The following PP2D1 variants were observed in gnomAD, a reference collection of about 807,000 sequenced individuals.
PP2D1 encodes protein phosphatase 2C-like domain-containing protein 1.
Under a neutral mutation model 30.2 loss-of-function variants are expected in PP2D1, and 25 were observed. The ratio of observed to expected loss-of-function variants is 0.83; its 90% CI spans 0.60 to 1.16. The LOEUF (loss-of-function observed/expected upper bound fraction) is 1.16. PP2D1 is among the 50% of genes most tolerant of loss of function. PP2D1 has a pLI of 0.00. For synonymous variants in PP2D1, 260 were observed against 258.9 expected (o/e 1.00, Z -0.04); for missense variants, 760 against 742.4 (o/e 1.02, Z -0.28).
chr3:20,000,457 T>C (rs1468064719), intron 2 of PP2D1, among the ~76,000 whole-genome samples: 2 of 152,176 alleles, frequency 1.3e-5, no homozygotes, highest in African/African-American at 4.8e-5. Flanking sequence ...TTTTGGCAAG[T>C]TCCTAAACTC....
chr3:20,009,132 C>G (rs996660862), intron 1 of PP2D1, among the ~76,000 whole-genome samples: 12 of 152,064 alleles, frequency 7.9e-5, no homozygotes, highest in African/African-American at 2.7e-4. Context: ...TTGTTTATAT[C>G]ATCACTTAGT....
At chr3:19,986,244 TCTA>T (rs1372611734) in intron 2 of PP2D1, 62 bp from the exon 3 acceptor site, 4 of 1,200,684 alleles carry the variant, frequency 3.3e-6, no homozygotes, top group South Asian at 1.7e-5. Flanking sequence ...TGTATCAAAA[TCTA>T]CTGCTAACTT....
chr3:19,982,252 G>A (rs1204707895), downstream of PP2D1, among the ~76,000 whole-genome samples: 1 of 152,038 alleles, frequency 6.6e-6, no homozygotes, highest in East Asian at 1.9e-4. Context: ...ATGAAAAGAA[G>A]TATGGCTGCA....
chr3:19,988,239 T>C (rs1014202313), intron 2 of PP2D1, among the ~76,000 whole-genome samples: 2 of 152,052 alleles, frequency 1.3e-5, no homozygotes, highest in Non-Finnish European at 2.9e-5. Context: ...CAAAAGCAAA[T>C]AGGAGAAATA....
downstream of PP2D1, among the ~76,000 whole-genome samples, chr3:19,982,846 T>C (rs530979845): frequency 2.6e-5 from 4 of 152,132 alleles, no homozygotes; most frequent in African/African-American, 4.8e-5. Context: ...GTAGATATGA[T>C]CTATCACAAT....
At chr3:20,010,903 A>C (rs1312484149) in intron 1 of PP2D1, among the ~76,000 whole-genome samples, 3 of 152,154 alleles carry the variant, frequency 2.0e-5, no homozygotes, top group Non-Finnish European at 2.9e-5. Context: ...ATGAGGATGC[A>C]CCCTGCCCTT....
intron 1 of PP2D1, among the ~76,000 whole-genome samples, chr3:20,009,796 T>C (rs922053908): frequency 2.0e-5 from 3 of 152,212 alleles, no homozygotes; most frequent in African/African-American, 7.2e-5. Flanking sequence ...TTGAAATGTT[T>C]TGCCACTTTA....
intron 2 of PP2D1, among the ~76,000 whole-genome samples, chr3:19,995,184 T>C (rs887032033): frequency 4.6e-5 from 7 of 152,128 alleles, no homozygotes; most frequent in African/African-American, 1.7e-4. Flanking sequence ...AATTTACTCC[T>C]AACACCCACA....
At chr3:19,987,535 A>G (rs1422398622) in intron 2 of PP2D1, among the ~76,000 whole-genome samples, 1 of 152,168 alleles carries the variant, frequency 6.6e-6, no homozygotes, top group Admixed American at 6.5e-5. Context: ...TAAATATGAT[A>G]TTGTACCTGG....
intron 1 of PP2D1, among the ~76,000 whole-genome samples, chr3:20,008,966 AATAC>A (rs1697355233): frequency 6.6e-6 from 1 of 152,330 alleles, no homozygotes; most frequent in Admixed American, 6.5e-5. Context: ...GCCAAATAAA[AATAC>A]ATTACATAAA....
In PP2D1 at chr3:20,001,933, T is replaced by C. The variant is rs901624317; in HGVS notation, c.187A>G (p.Thr63Ala). 17 of 1,536,302 alleles carry C rather than the reference T, an allele frequency of 1.1e-5. No individual in the cohort carries two copies. The highest frequency in any genetic ancestry group is 8.7e-7 in the Non-Finnish European group (1 of 1,146,990). The part of the protein sequence containing the change: ...EEEQVYEQGT[T>A]LPCSICKHEI... ...TGCTTGCATATGGAACAGGGTAATGTGGTCCCTTGCTCATAGACCTGCTCC... is the reference window on the plus strand; with the variant it reads ...TGCTTGCATATGGAACAGGGTAATGCGGTCCCTTGCTCATAGACCTGCTCC... Residue 63 changes from threonine to alanine, a missense_variant, in exon 2 of 3, where the codon ACA becomes GCA. This residue lies in a region of PP2D1 where 374 missense variants were observed against 388.8 expected (regional missense o/e 0.96). Coordinates refer to ENST00000389050, the MANE Select transcript of PP2D1 (RefSeq NM_001252657.2).
chr3:20,002,311 A>G (rs1231223483), intron 1 of PP2D1, among the ~76,000 whole-genome samples: 1 of 152,206 alleles, frequency 6.6e-6, no homozygotes, highest in Non-Finnish European at 1.5e-5. Flanking sequence ...AAAAATTCCA[A>G]AAAGTCAGCT....
At chr3:19,992,103 T>G (rs111524463) in intron 2 of PP2D1, among the ~76,000 whole-genome samples, 6 of 152,298 alleles carry the variant, frequency 3.9e-5, no homozygotes, top group African/African-American at 1.4e-4. Context: ...GACAGGAGCT[T>G]TGTGACTTCC....
At chr3:19,990,934 A>G (rs1697112422) in intron 2 of PP2D1, among the ~76,000 whole-genome samples, 1 of 152,148 alleles carries the variant, frequency 6.6e-6, no homozygotes, top group Non-Finnish European at 1.5e-5. Flanking sequence ...TTGACTTTTG[A>G]AAAAGTTTAT....
chr3:19,985,334 A>G (rs1275808776), downstream of PP2D1: 3 of 1,273,984 alleles, frequency 2.4e-6, no homozygotes, highest in Non-Finnish European at 3.2e-6. Flanking sequence ...ATCATTGAAG[A>G]ATCACTTTAT....
intron 1 of PP2D1, among the ~76,000 whole-genome samples, chr3:20,005,414 A>T (rs1429676774): frequency 6.6e-6 from 1 of 152,136 alleles, no homozygotes; most frequent in African/African-American, 2.4e-5. Context: ...AGCCTCCCAA[A>T]GTGCTGGGAT....
At chr3:20,000,158 C>T (rs970598635) in intron 2 of PP2D1, among the ~76,000 whole-genome samples, 1 of 152,204 alleles carries the variant, frequency 6.6e-6, no homozygotes, top group Non-Finnish European at 1.5e-5. Context: ...TGATTTCCAA[C>T]TCCAATTCCT....
Position 19,985,578 on chromosome 3 carries a change from T to C in PP2D1, c.1695A>G (p.Glu565=). 1 of 1,536,130 alleles carries C rather than the reference T, an allele frequency of 6.5e-7. No homozygotes were observed. Among genetic ancestry groups the C allele is most frequent in the Non-Finnish European group, 8.7e-7 (1 of 1,146,882 alleles). ...AETTHRKPCS[E]KVTDRPTSVN... ...CACTAGTTGGTCTGTCAGTTACTTT[T>C]TCACTGCAAGGTTTACGATGAGTCG... is the stretch of plus-strand genomic sequence containing the variant. Residue 565 remains glutamate (E), a synonymous_variant, in exon 3 of 3, where the codon GAA becomes GAG. Coordinates refer to ENST00000389050, the MANE Select transcript of PP2D1 (RefSeq NM_001252657.2).
chr3:19,988,260 C>A (rs1697068954), intron 2 of PP2D1, among the ~76,000 whole-genome samples: 1 of 152,180 alleles, frequency 6.6e-6, no homozygotes. Flanking sequence ...CCGCTCAATT[C>A]TTTTTCTCAG....
Sources: allele counts gnomAD v4.1 joint callset (sites outside exome capture counted in the v4.1 genomes callset), GRCh38; gene constraint gnomAD v4.1.1; regional missense constraint gnomAD v4.1.1; transcripts MANE v1.5; gene names NCBI Gene and HGNC (gene_info 2026-07-23, HGNC 2026-07-21).